PCYT2: variants seen among roughly 807,000 people sequenced by gnomAD.
The protein encoded by PCYT2 is phosphate cytidylyltransferase 2, ethanolamine, also known as ethanolamine-phosphate cytidylyltransferase.
Under a neutral mutation model 50.0 loss-of-function variants are expected in PCYT2, and 33 were observed. The observed-to-expected ratio is 0.66, with a 90% CI of 0.50 to 0.88. PCYT2 has a LOEUF of 0.88. PCYT2 is among the 40% of genes least tolerant of loss of function. The probability of loss-of-function intolerance (pLI) is 0.00; values close to 1 mark genes in which losing one functional copy is unlikely to be tolerated. For missense variants in PCYT2, 430 were observed against 519.7 expected (o/e 0.83, Z 1.68); for synonymous variants, 240 against 203.7 (o/e 1.18, Z -1.52).
At chr17:81,909,186 G>T in intron 2 of PCYT2, 149 bp from the exon 3 acceptor site, 1 of 1,455,712 alleles carries the variant, frequency 6.9e-7, no homozygotes, top group Non-Finnish European at 9.0e-7. Context: ...CACTAGTGCT[G>T]GCCAACTGGG....
rs1440997340 is a variant in PCYT2, at chr17:81,901,221, A to G, written c.*3612T>C. ...GGGCGGGAAGCATCCAGCATGGGAG[A>G]AAGATGGAGGCCAGATTCAGCCAGT... On this transcript the variant is annotated 3_prime_UTR_variant, in exon 13 of 13. Transcript: ENST00000538936. 1.3e-5 allele frequency: 2 copies of G among 152,160 alleles called. No individual in the cohort carries two copies. Among genetic ancestry groups the G allele is most frequent in the East Asian group, 3.8e-4 (2 of 5,196 alleles). 9.4% of individuals were successfully genotyped at this position (152,160 alleles called of 1,614,324 possible).
At chr17:81,906,235 C>T (rs2040259470) in intron 8 of PCYT2, 58 bp from the exon 9 acceptor site, 2 of 1,456,996 alleles carry the variant, frequency 1.4e-6, no homozygotes, top group Non-Finnish European at 1.9e-6. Flanking sequence ...CAGGGTGTGC[C>T]CCTCCCGGCT....
Position 81,902,346 on chromosome 17 carries a change from C to G in PCYT2, c.*2487G>C, listed in dbSNP as rs1289144404. 11 of 1,341,490 alleles carry G rather than the reference C, an allele frequency of 8.2e-6. No individual in the cohort carries two copies. In the African/African-American group the frequency reaches 1.1e-4, roughly 13 times the overall value. The allele number at this position is 1,341,490 out of a possible 1,614,324, so 83.1% of individuals were successfully genotyped here. A position where few individuals can be genotyped will look rare whatever the true frequency, so the allele number is the denominator to read the frequency against. On this transcript the variant is annotated 3_prime_UTR_variant, in exon 13 of 13. Transcript: ENST00000538936. ...GCCTGCTGCTGGCGCCGCCTGGCCT[C>G]GCGTGGTACAAGCCAGCGGCGGGGC... is the stretch of plus-strand genomic sequence containing the variant.
chr17:81,910,985 G>C (rs2040566969), intron 1 of PCYT2: 1 of 992,592 alleles, frequency 1.0e-6, no homozygotes, highest in African/African-American at 1.7e-5. Flanking sequence ...GAGAAGCAGG[G>C]AGGCCGTGGC....
In PCYT2 at chr17:81,905,122, A is replaced by G; in HGVS notation, c.1002T>C (p.Ile334=). 6.2e-7 allele frequency: 1 copy of G among 1,613,352 alleles called. No homozygotes were observed. The highest frequency in any genetic ancestry group is 8.5e-7 in the Non-Finnish European group (1 of 1,179,918). Residue 334 remains isoleucine, a synonymous_variant, in exon 12 of 13, where the codon ATT becomes ATC. Transcript: ENST00000538936. ...EPKRRGIFRQ[I]DSGSNLTTDL... ...CTGTGGTGAGGTTGCTGCCACTGTCAATCTGACGGAAGATGCCCCTTCTCT... is the reference window on the plus strand; with the variant it reads ...CTGTGGTGAGGTTGCTGCCACTGTCGATCTGACGGAAGATGCCCCTTCTCT...
Position 81,906,109 on chromosome 17 carries a change from C to T in PCYT2, c.828G>A (p.Leu276=). 6.2e-7 allele frequency: 1 copy of T among 1,611,870 alleles called. No individual in the cohort carries two copies. The highest frequency in any genetic ancestry group is 8.5e-7 in the Non-Finnish European group (1 of 1,178,978). The change falls in exon 9 of 13, where the codon CTG becomes CTA. Residue 276 remains leucine, a synonymous_variant. Coordinates refer to ENST00000538936, the MANE Select transcript of PCYT2 (RefSeq NM_002861.5). ...MNLHERTLSV[L]ACRYVSEVVI... is the part of the protein sequence containing the mutation. ...CCTGGCCCCCACTCACCCGGCAGGC[C>T]AGCACGCTCAGAGTCCGTTCATGCA...
At chr17:81,905,937 G>A (rs1475444739) in intron 9 of PCYT2, 163 bp downstream of exon 9, 1 of 747,888 alleles carries the variant, frequency 1.3e-6, no homozygotes, top group African/African-American at 1.7e-5. Flanking sequence ...CCCTCCTCAT[G>A]CCTCAACAAA....
At position 81,906,360 on chromosome 17, in the gene PCYT2, C is replaced by A. The variant is rs1284953335; in HGVS notation, c.759+104G>T. The A allele has an allele frequency of 3.1e-6, 4 of 1,293,576 alleles. No individual in the cohort carries two copies. The Admixed American group carries it at 7.5e-5, about 24-fold the overall frequency. 80.1% of individuals were successfully genotyped at this position (1,293,576 alleles called of 1,614,324 possible). A position where few individuals can be genotyped will look rare whatever the true frequency, so the allele number is the denominator to read the frequency against. On this transcript the variant is annotated intron_variant, in intron 8 of 12. Coordinates refer to ENST00000538936, the MANE Select transcript of PCYT2 (RefSeq NM_002861.5). ...CCCCCCAGGGTCTCCTGTGACTTCA[C>A]CTGGGGCCCCTTCCCAGAGACCACC...
At chr17:81,910,841 C>A (rs2040558829) in intron 1 of PCYT2, 3 of 975,190 alleles carry the variant, frequency 3.1e-6, no homozygotes, top group Non-Finnish European at 3.7e-6. Flanking sequence ...CGGAGGAGGA[C>A]CCGGGAGCCC....
chr17:81,908,442 GCGTGAGGAACATGGCCCAGGGCCTGGA>G lies in PCYT2; in HGVS notation c.407+99_407+125del, dbSNP rs1406865989. 1.1e-5 allele frequency: 8 copies of G among 696,220 alleles called. No individual in the cohort carries two copies. The Middle Eastern group carries it at 1.9e-3, about 165-fold the overall frequency. 43.1% of individuals were successfully genotyped at this position (696,220 alleles called of 1,614,324 possible). ...CCATCCCTCGAGTTCCCAGTCCTGG[GCGTGAGGAACATGGCCCAGGGCCTGGA>G]CGCTCCCCTCACGGGCTCCCGGTAA... On this transcript the variant is annotated intron_variant, in intron 4 of 12. Transcript: ENST00000538936.
chr17:81,908,022 T>C (rs1286131850), intron 4 of PCYT2, among the ~76,000 whole-genome samples, 165 bp from the exon 5 acceptor site: 1 of 152,068 alleles, frequency 6.6e-6, no homozygotes, highest in Non-Finnish European at 1.5e-5. Context: ...AAAACCTGGG[T>C]TGGGAACATG....
rs1336921307 is a variant in PCYT2, at chr17:81,902,279, T to C, written c.*2554A>G. On this transcript the variant is annotated 3_prime_UTR_variant, in exon 13 of 13. Coordinates refer to ENST00000538936, the MANE Select transcript of PCYT2 (RefSeq NM_002861.5). ...GCCCACCAGTCAGCCGGCGTCCCCATGGCCCGGTCCGCGACACTGGCGGCC... is the reference window on the plus strand; with the variant it reads ...GCCCACCAGTCAGCCGGCGTCCCCACGGCCCGGTCCGCGACACTGGCGGCC... 1 of 1,304,384 alleles carries C rather than the reference T, an allele frequency of 7.7e-7. No homozygotes were observed. Among genetic ancestry groups the C allele is most frequent in the Non-Finnish European group, 9.7e-7 (1 of 1,033,756 alleles). The allele number at this position is 1,304,384 out of a possible 1,614,324, so 80.8% of individuals were successfully genotyped here.
intron 2 of PCYT2, 93 bp downstream of exon 2, chr17:81,909,421 C>G: frequency 6.7e-7 from 1 of 1,489,102 alleles, no homozygotes; most frequent in Non-Finnish European, 9.2e-7. Context: ...TGTGCCCTGG[C>G]AAGGTGGCCC....
intron 10 of PCYT2, 97 bp from the exon 11 acceptor site, chr17:81,905,544 C>G: frequency 1.4e-6 from 2 of 1,432,862 alleles, no homozygotes; most frequent in East Asian, 4.8e-5. Context: ...AGAGCTGACC[C>G]TGCCCTTTCC....
rs988293533 is a variant in PCYT2, at chr17:81,902,382, C to T, written c.*2451G>A. On this transcript the variant is annotated 3_prime_UTR_variant, in exon 13 of 13. Transcript: ENST00000538936. ...AGCCAGCGGCGGGGCACAGCTCCTA[C>T]TCGGTGGGCCGCGCCGCGGGGCTGC... The T allele has an allele frequency of 7.4e-7, 1 of 1,343,122 alleles. No individual in the cohort carries two copies. The highest frequency in any genetic ancestry group is 1.9e-5 in the South Asian group (1 of 52,354). 83.2% of individuals were successfully genotyped at this position (1,343,122 alleles called of 1,614,324 possible).
At position 81,906,154 on chromosome 17, in the gene PCYT2, C is replaced by T. The variant is rs369193910; in HGVS notation, c.783G>A (p.Lys261=). Residue 261 remains lysine, a synonymous_variant, in exon 9 of 13, where the codon AAG becomes AAA. Coordinates refer to ENST00000538936, the MANE Select transcript of PCYT2 (RefSeq NM_002861.5). ...CATGCAGATTCATGATGGGGTAGTT[C>T]TTCCCCTTGTAGTGATTGACCTCCT... ...FDQEVNHYKG[K]NYPIMNLHER... is the part of the protein sequence containing the mutation. The T allele has an allele frequency of 4.2e-5, 67 of 1,612,724 alleles. No homozygotes were observed. Among genetic ancestry groups the T allele is most frequent in the Admixed American group, 3.7e-4 (22 of 59,876 alleles).
At chr17:81,909,339 A>G (rs938784631) in intron 2 of PCYT2, 175 bp downstream of exon 2, 1 of 1,433,690 alleles carries the variant, frequency 7.0e-7, no homozygotes, top group African/African-American at 1.4e-5. Flanking sequence ...AGGAAATGCA[A>G]GATGGGAAAG....
At chr17:81,905,810 G>A in intron 9 of PCYT2, 75 bp from the exon 10 acceptor site, 2 of 1,463,478 alleles carry the variant, frequency 1.4e-6, no homozygotes, top group Non-Finnish European at 1.9e-6. Context: ...GGTGGTGAGA[G>A]ACGGCTCAGA....
At chr17:81,905,799 G>A in intron 9 of PCYT2, 64 bp from the exon 10 acceptor site, 1 of 1,534,096 alleles carries the variant, frequency 6.5e-7, no homozygotes, top group Non-Finnish European at 9.0e-7. Flanking sequence ...CAGGGCCACA[G>A]GGTGGTGAGA....
Sources: allele counts gnomAD v4.1 joint callset (sites outside exome capture counted in the v4.1 genomes callset), GRCh38; gene constraint gnomAD v4.1.1; transcripts MANE v1.5; gene names NCBI Gene and HGNC (gene_info 2026-07-23, HGNC 2026-07-21).